CCDC192: variants seen among roughly 807,000 people sequenced by gnomAD.
CCDC192 encodes coiled-coil domain containing 192, also known as coiled-coil domain-containing protein 192.
intron 3 of CCDC192, among the ~76,000 whole-genome samples, chr5:127,790,125 G>A (rs747069581): frequency 3.3e-5 from 5 of 152,182 alleles, no homozygotes; most frequent in Admixed American, 3.3e-4. Context: ...TGGTCCTGGA[G>A]GGCAGAGTAT....
chr5:127,903,727 T>C (rs2127169358), intron 6 of CCDC192, among the ~76,000 whole-genome samples: 2 of 152,348 alleles, frequency 1.3e-5, no homozygotes, highest in Middle Eastern at 3.4e-3. Flanking sequence ...AATACAAATG[T>C]TAAAAGCTTG....
intron 5 of CCDC192, among the ~76,000 whole-genome samples, chr5:127,848,653 G>A (rs1481370045): frequency 1.3e-5 from 2 of 152,104 alleles, no homozygotes; most frequent in East Asian, 1.9e-4. Context: ...AAAATAAAAA[G>A]GCTAATAAGA....
intron 3 of CCDC192, chr5:127,786,222 C>G: frequency 1.3e-6 from 1 of 743,518 alleles, no homozygotes; most frequent in Non-Finnish European, 2.5e-6. Context: ...GAAGGTAAAC[C>G]TGAACTCTTC....
intron 6 of CCDC192, among the ~76,000 whole-genome samples, chr5:127,885,463 T>C (rs1752528400): frequency 6.6e-6 from 1 of 152,252 alleles, no homozygotes. Context: ...CTGTCAGTAG[T>C]GGAGCAGCTG....
chr5:127,875,112 T>C (rs1042508612), intron 5 of CCDC192, among the ~76,000 whole-genome samples: 1 of 152,140 alleles, frequency 6.6e-6, no homozygotes, highest in Non-Finnish European at 1.5e-5. Context: ...CAAACCATTA[T>C]GGTGTTGAGG....
At chr5:127,934,654 C>CA (rs1010172125) in intron 6 of CCDC192, among the ~76,000 whole-genome samples, 6 of 151,776 alleles carry the variant, frequency 4.0e-5, no homozygotes, top group South Asian at 2.1e-4. Context: ...TACTACAATA[C>CA]AAAAAAAATA....
At chr5:127,729,098 G>A (rs1031845735) in intron 2 of CCDC192, among the ~76,000 whole-genome samples, 1 of 151,938 alleles carries the variant, frequency 6.6e-6, no homozygotes, top group Admixed American at 6.6e-5. Flanking sequence ...GTAGAGACAG[G>A]GTTTCACCAT....
At chr5:127,739,325 C>G (rs1005900925) in intron 2 of CCDC192, among the ~76,000 whole-genome samples, 15 of 152,288 alleles carry the variant, frequency 9.8e-5, no homozygotes, top group African/African-American at 3.6e-4. Context: ...AACCACTGCT[C>G]TCTTCAAAGC....
chr5:127,826,911 G>A (rs1261084062), intron 5 of CCDC192, among the ~76,000 whole-genome samples: 1 of 152,154 alleles, frequency 6.6e-6, no homozygotes, highest in Non-Finnish European at 1.5e-5. Flanking sequence ...ATGCCTTGGT[G>A]ATAAGTTTAA....
At chr5:127,797,261 A>G in intron 4 of CCDC192, 27 bp downstream of exon 4, 1 of 396,530 alleles carries the variant, frequency 2.5e-6, no homozygotes, top group Admixed American at 4.4e-5. Context: ...AGTCATCTTT[A>G]TTTTAAAAGT....
At chr5:127,882,818 T>C (rs1752410426) in intron 6 of CCDC192, among the ~76,000 whole-genome samples, 1 of 152,206 alleles carries the variant, frequency 6.6e-6, no homozygotes, top group Non-Finnish European at 1.5e-5. Context: ...AGTTGTCCAC[T>C]TGGGTGTAGG....
chr5:127,840,342 C>G (rs1171839130), intron 5 of CCDC192, among the ~76,000 whole-genome samples: 1 of 152,198 alleles, frequency 6.6e-6, no homozygotes, highest in African/African-American at 2.4e-5. Context: ...CAAATTATCT[C>G]TGTATCCCTA....
chr5:127,791,183 C>A (rs1448609141), intron 3 of CCDC192, among the ~76,000 whole-genome samples: 1 of 152,158 alleles, frequency 6.6e-6, no homozygotes, highest in Non-Finnish European at 1.5e-5. Context: ...AGCAAAATAA[C>A]AATTGTCATA....
At chr5:127,726,149 T>C (rs1055121561) in intron 2 of CCDC192, among the ~76,000 whole-genome samples, 7 of 152,100 alleles carry the variant, frequency 4.6e-5, no homozygotes, top group African/African-American at 1.2e-4. Context: ...AATTGCAAGA[T>C]AGAATAAATT....
intron 3 of CCDC192, among the ~76,000 whole-genome samples, chr5:127,790,475 T>C (rs561914800): frequency 2.6e-5 from 4 of 152,202 alleles, no homozygotes; most frequent in South Asian, 4.1e-4. Context: ...CATTAATATT[T>C]TTCTTCTAGT....
intron 5 of CCDC192, among the ~76,000 whole-genome samples, chr5:127,835,988 A>G (rs1345751424): frequency 1.3e-5 from 2 of 152,184 alleles, no homozygotes; most frequent in Admixed American, 1.3e-4. Context: ...TAATTTCAGC[A>G]CTAAGTCAAA....
intron 3 of CCDC192, among the ~76,000 whole-genome samples, chr5:127,766,048 C>T (rs1254776561): frequency 1.3e-5 from 2 of 152,216 alleles, no homozygotes; most frequent in Admixed American, 1.3e-4. Context: ...ACCCATCCCA[C>T]TCACTTATGC....
intron 5 of CCDC192, among the ~76,000 whole-genome samples, chr5:127,860,998 C>T (rs1289074777): frequency 6.6e-6 from 1 of 152,086 alleles, no homozygotes; most frequent in Non-Finnish European, 1.5e-5. Flanking sequence ...TTTTAAGAAG[C>T]ATGGGTTACT....
intron 5 of CCDC192, among the ~76,000 whole-genome samples, chr5:127,833,243 C>T (rs1009020902): frequency 6.6e-6 from 1 of 152,138 alleles, no homozygotes; most frequent in Non-Finnish European, 1.5e-5. Flanking sequence ...TATACCTCTA[C>T]TCTATCATTT....
Sources: allele counts gnomAD v4.1 joint callset (sites outside exome capture counted in the v4.1 genomes callset), GRCh38; gene constraint gnomAD v4.1.1; transcripts MANE v1.5; gene names NCBI Gene and HGNC (gene_info 2026-07-23, HGNC 2026-07-21).